HEMK2: variants seen among roughly 807,000 people sequenced by gnomAD.
HEMK2 encodes the protein HemK methyltransferase 2, ETF1 glutamine and histone H4 lysine.
At chr21:28,594,025 T>C in the HEMK2 span, among the ~76,000 whole-genome samples, 1 of 152,336 alleles carries the variant, frequency 6.6e-6, no homozygotes, top group South Asian at 2.1e-4. Context: ...GTGACATTGA[T>C]AGCATTTACC....
the HEMK2 span, among the ~76,000 whole-genome samples, chr21:28,730,730 C>T: frequency 6.6e-6 from 1 of 152,064 alleles, no homozygotes; most frequent in African/African-American, 2.4e-5. Flanking sequence ...TCCAAGACAG[C>T]AAGAAAGAGA....
the HEMK2 span, among the ~76,000 whole-genome samples, chr21:28,827,194 C>T: frequency 6.6e-6 from 1 of 152,094 alleles, no homozygotes; most frequent in African/African-American, 2.4e-5. Context: ...ATAGAACAAG[C>T]AGACAAATTA....
chr21:28,650,332 T>C, the HEMK2 span, among the ~76,000 whole-genome samples: 1 of 151,720 alleles, frequency 6.6e-6, no homozygotes, highest in African/African-American at 2.4e-5. Flanking sequence ...GAGGCAGGGG[T>C]TGCAGTGAGC....
At chr21:28,728,372 G>A in the HEMK2 span, among the ~76,000 whole-genome samples, 45 of 152,342 alleles carry the variant, frequency 3.0e-4, no homozygotes, top group Non-Finnish European at 5.3e-4. Context: ...TGACAGGGCT[G>A]AGCAGTAGAA....
At chr21:28,656,497 T>TA in the HEMK2 span, among the ~76,000 whole-genome samples, 4 of 151,888 alleles carry the variant, frequency 2.6e-5, no homozygotes, top group African/African-American at 9.7e-5. Flanking sequence ...TCCTCAGCCT[T>TA]AGACAGGGCT....
chr21:28,768,008 G>A, the HEMK2 span, among the ~76,000 whole-genome samples: 6 of 152,026 alleles, frequency 3.9e-5, no homozygotes, highest in South Asian at 4.2e-4. Context: ...GTCCATATGC[G>A]TCCTCTATGG....
At chr21:28,655,282 C>A in the HEMK2 span, among the ~76,000 whole-genome samples, 1 of 151,812 alleles carries the variant, frequency 6.6e-6, no homozygotes, top group African/African-American at 2.4e-5. Flanking sequence ...TTGTTTTGAA[C>A]AAACTAGTAT....
the HEMK2 span, among the ~76,000 whole-genome samples, chr21:28,808,933 C>T: frequency 2.6e-5 from 4 of 152,142 alleles, no homozygotes; most frequent in Non-Finnish European, 4.4e-5. Flanking sequence ...CAAGATAACT[C>T]ATTTTTCAAA....
chr21:28,876,481 CA>C, the HEMK2 span: 3 of 1,601,634 alleles, frequency 1.9e-6, no homozygotes. Context: ...TCATTATTTT[CA>C]AAATTTCTTC....
At chr21:28,730,408 ACACACAC>A in the HEMK2 span, among the ~76,000 whole-genome samples, 1 of 109,198 alleles carries the variant, frequency 9.2e-6, no homozygotes, top group South Asian at 2.6e-4. Flanking sequence ...ACACACACAC[ACACACAC>A]ACATTTCTCA....
the HEMK2 span, among the ~76,000 whole-genome samples, chr21:28,582,682 TTTC>T: frequency 2.0e-5 from 3 of 152,214 alleles, no homozygotes; most frequent in African/African-American, 7.2e-5. Context: ...AATCAGTAGC[TTTC>T]TTCATACAAA....
At chr21:28,788,229 C>T in the HEMK2 span, among the ~76,000 whole-genome samples, 18 of 140,032 alleles carry the variant, frequency 1.3e-4, no homozygotes, top group Admixed American at 1.2e-3. Context: ...TATATATACA[C>T]GTATATACGT....
chr21:28,882,035 A>G, the HEMK2 span: 1 of 589,988 alleles, frequency 1.7e-6, no homozygotes, highest in Admixed American at 3.9e-5. Context: ...TCAACAAAGA[A>G]TTTACTTTGT....
At chr21:28,804,562 C>G in the HEMK2 span, among the ~76,000 whole-genome samples, 11 of 152,014 alleles carry the variant, frequency 7.2e-5, no homozygotes, top group Non-Finnish European at 2.9e-5. Flanking sequence ...TAGGGAGACC[C>G]CATCTCTACA....
At chr21:28,666,481 C>G in the HEMK2 span, among the ~76,000 whole-genome samples, 1 of 152,148 alleles carries the variant, frequency 6.6e-6, no homozygotes, top group Non-Finnish European at 1.5e-5. Context: ...GCAATGTGGT[C>G]TTCTTCAGTT....
chr21:28,613,339 T>C, the HEMK2 span, among the ~76,000 whole-genome samples: 1 of 151,958 alleles, frequency 6.6e-6, no homozygotes, highest in Non-Finnish European at 1.5e-5. Flanking sequence ...TGCTGATACC[T>C]CCCTCCATAA....
chr21:28,768,963 CAG>C, the HEMK2 span, among the ~76,000 whole-genome samples: 2 of 151,938 alleles, frequency 1.3e-5, no homozygotes, highest in Middle Eastern at 3.2e-3. Flanking sequence ...GCAAGCCAAG[CAG>C]AGAGACCTCA....
At chr21:28,870,035 C>T in the HEMK2 span, among the ~76,000 whole-genome samples, 1 of 152,168 alleles carries the variant, frequency 6.6e-6, no homozygotes, top group Non-Finnish European at 1.5e-5. Context: ...CCGGTTAGCA[C>T]TAGCCTGAAT....
the HEMK2 span, among the ~76,000 whole-genome samples, chr21:28,812,959 T>C: frequency 9.5e-3 from 1,454 of 152,318 alleles, 30 homozygotes; most frequent in African/African-American, 0.034. Flanking sequence ...GTAGTTTGTA[T>C]TTCTGGGGGA....
Sources: gnomAD v4.1 joint callset for allele counts (sites outside exome capture counted in the v4.1 genomes callset) on GRCh38, gnomAD v4.1.1 for gene constraint, MANE v1.5 for transcripts, NCBI Gene and HGNC (gene_info 2026-07-23, HGNC 2026-07-21) for gene names.